Variants in BCAS3 observed in about 807,000 individuals in gnomAD.
The protein encoded by BCAS3 is BCAS3 microtubule associated cell migration factor.
A neutral mutation model predicts 116.1 loss-of-function variants in BCAS3; 53 were observed. The ratio of observed to expected loss-of-function variants is 0.46; its 90% CI spans 0.37 to 0.57. The LOEUF (loss-of-function observed/expected upper bound fraction) is 0.57. Ranked by LOEUF, BCAS3 falls within the 20% of genes least tolerant of loss-of-function variation. The probability of loss-of-function intolerance (pLI) is 0.00; values close to 1 mark genes in which losing one functional copy is unlikely to be tolerated. For synonymous variants in BCAS3, 391 were observed against 408.2 expected, an observed-to-expected ratio of 0.96 and a Z score of 0.51; for missense variants, 917 against 1,165.4, an observed-to-expected ratio of 0.79 and a Z score of 3.10.
chr17:61,266,828 A>G (rs2049764580), intron 22 of BCAS3, among the ~76,000 whole-genome samples: 1 of 152,126 alleles, frequency 6.6e-6, no homozygotes, highest in Non-Finnish European at 1.5e-5. Context: ...CATAGTTGCA[A>G]ATGTCTCCAC....
chr17:61,314,067 G>T (rs775002488), intron 22 of BCAS3, among the ~76,000 whole-genome samples: 3 of 152,242 alleles, frequency 2.0e-5, no homozygotes, highest in Non-Finnish European at 4.4e-5. Context: ...AACTGGAAGG[G>T]CCTTAGGGAT....
rs558566118 is a variant in BCAS3 at position 61,236,897 on chromosome 17, G to A, written c.2426-131430G>A. Among the ~76,000 whole-genome samples the A allele has an allele frequency of 5.4e-3, 825 of 152,204 alleles. 4 individuals carry two copies. The highest frequency in any genetic ancestry group is 0.012 in the African/African-American group (513 of 41,520). On this transcript the variant is annotated intron_variant, in intron 22 of 23. Coordinates refer to ENST00000407086, the MANE Select transcript of BCAS3 (RefSeq NM_017679.5). ...CAACACAAAGGAAAAATTGGAGGCAGGAAAGTTGGATCCTGGATGTGAAGG... is the reference window on the plus strand; with the variant it reads ...CAACACAAAGGAAAAATTGGAGGCAAGAAAGTTGGATCCTGGATGTGAAGG...
intron 22 of BCAS3, among the ~76,000 whole-genome samples, chr17:61,117,161 T>C: frequency 6.6e-6 from 1 of 152,252 alleles, no homozygotes; most frequent in Non-Finnish European, 1.5e-5. Context: ...CACAGATCCC[T>C]GAGCCCCTGT....
chr17:60,694,499 CA>C (rs999925719), intron 4 of BCAS3, among the ~76,000 whole-genome samples: 43 of 143,076 alleles, frequency 3.0e-4, no homozygotes, highest in East Asian at 1.0e-3. Context: ...GATTCCATCT[CA>C]AAAAAAAAAA....
At chr17:60,926,057 G>GGCACT (rs1344118499) in intron 13 of BCAS3, among the ~76,000 whole-genome samples, 1 of 152,042 alleles carries the variant, frequency 6.6e-6, no homozygotes, top group Non-Finnish European at 1.5e-5. Flanking sequence ...GGTCAGGTGT[G>GGCACT]GATTCTCCAG....
chr17:61,120,349 T>G (rs550186584), intron 22 of BCAS3, among the ~76,000 whole-genome samples: 15 of 152,100 alleles, frequency 9.9e-5, no homozygotes, highest in Admixed American at 3.3e-4. Context: ...TAAATAAAAA[T>G]GAATAAATGG....
chr17:60,991,365 T>G (rs984280535), intron 15 of BCAS3, among the ~76,000 whole-genome samples: 6 of 152,252 alleles, frequency 3.9e-5, no homozygotes, highest in African/African-American at 1.4e-4. Context: ...GTACATTGCA[T>G]GGTTTCAGGT....
chr17:60,715,826 AGATT>A (rs1332700201), intron 5 of BCAS3, among the ~76,000 whole-genome samples: 2 of 150,858 alleles, frequency 1.3e-5, no homozygotes, highest in Admixed American at 1.3e-4. Context: ...CCCAGTGTTA[AGATT>A]GATTGGTGCC....
chr17:60,705,761 C>G (rs1054941352), intron 4 of BCAS3, among the ~76,000 whole-genome samples: 1 of 152,094 alleles, frequency 6.6e-6, no homozygotes, highest in African/African-American at 2.4e-5. Flanking sequence ...CAGAAAGCTT[C>G]CAATTATTTA....
intron 22 of BCAS3, among the ~76,000 whole-genome samples, chr17:61,330,644 C>T (rs966819216): frequency 1.3e-5 from 2 of 152,116 alleles, no homozygotes; most frequent in African/African-American, 4.8e-5. Flanking sequence ...AGCCACAGGC[C>T]CCCAGGAGTC....
chr17:60,690,570 AAAAT>A (rs745328059), intron 4 of BCAS3, among the ~76,000 whole-genome samples: 7 of 150,538 alleles, frequency 4.6e-5, no homozygotes, highest in Non-Finnish European at 1.0e-4. Context: ...ACCCTGTCTA[AAAAT>A]AAATAAATAA....
At chr17:60,859,285 T>G (rs1185259472) in intron 7 of BCAS3, among the ~76,000 whole-genome samples, 2 of 152,132 alleles carry the variant, frequency 1.3e-5, no homozygotes, top group African/African-American at 2.4e-5. Flanking sequence ...CAGATTATTT[T>G]GTCACCCAGG....
chr17:60,728,379 C>A (rs2040125604), intron 5 of BCAS3, among the ~76,000 whole-genome samples: 1 of 152,154 alleles, frequency 6.6e-6, no homozygotes, highest in African/African-American at 2.4e-5. Flanking sequence ...AAGGTTCTTT[C>A]ATGTCTTTTC....
intron 22 of BCAS3, among the ~76,000 whole-genome samples, chr17:61,274,281 A>ATTTTTTTTTTTTT (rs780529516): frequency 1.0e-5 from 1 of 96,240 alleles, no homozygotes; most frequent in Non-Finnish European, 2.0e-5. Context: ...AAATCTTTGA[A>ATTTTTTTTTTTTT]TTTTTTTTTT....
chr17:61,264,435 G>T (rs1360761123), intron 22 of BCAS3, among the ~76,000 whole-genome samples: 4 of 148,570 alleles, frequency 2.7e-5, no homozygotes, highest in Non-Finnish European at 4.5e-5. Flanking sequence ...TAGAGAGAGA[G>T]TCTCACTCTG....
chr17:60,741,782 A>G (rs1488239629), intron 5 of BCAS3, among the ~76,000 whole-genome samples: 1 of 152,202 alleles, frequency 6.6e-6, no homozygotes, highest in Non-Finnish European at 1.5e-5. Context: ...TGGTACAATC[A>G]CATTGGAAAA....
chr17:60,940,228 T>C (rs16944695), intron 13 of BCAS3, among the ~76,000 whole-genome samples: 17,951 of 152,158 alleles, frequency 0.12, 3,557 homozygotes, highest in African/African-American at 0.41. Context: ...GTTATGGATA[T>C]ATGCAACTTT....
chr17:60,851,761 C>A, intron 7 of BCAS3: 1 of 978,188 alleles, frequency 1.0e-6, no homozygotes. Flanking sequence ...TATACCATGT[C>A]TTATCAGTGG....
intron 7 of BCAS3, among the ~76,000 whole-genome samples, chr17:60,857,875 T>A (rs1018363614): frequency 6.6e-6 from 1 of 152,218 alleles, no homozygotes; most frequent in African/African-American, 2.4e-5. Flanking sequence ...ACAAATTTTG[T>A]TCAGTTATCT....
Sources: allele counts gnomAD v4.1 joint callset (sites outside exome capture counted in the v4.1 genomes callset), GRCh38; gene constraint gnomAD v4.1.1; transcripts MANE v1.5; gene names NCBI Gene and HGNC (gene_info 2026-07-23, HGNC 2026-07-21).